The following KCNT2 variants were observed in gnomAD, a reference collection of about 807,000 sequenced individuals.
KCNT2 encodes potassium sodium-activated channel subfamily T member 2, also known as potassium channel subfamily T member 2.
Under a neutral mutation model 153.8 loss-of-function variants are expected in KCNT2, and 67 were observed. That is an observed-to-expected ratio of 0.44 (90% CI 0.36 to 0.53). The LOEUF (loss-of-function observed/expected upper bound fraction) is 0.53. KCNT2 is among the 20% of genes least tolerant of loss of function. The pLI is 0.00. For missense variants in KCNT2, 975 were observed against 1,354.8 expected (o/e 0.72, Z 4.40); for synonymous variants, 500 against 458.8 (o/e 1.09, Z -1.15).
intron 1 of KCNT2, among the ~76,000 whole-genome samples, chr1:196,560,613 T>G (rs545266671): frequency 6.6e-6 from 1 of 152,062 alleles, no homozygotes; most frequent in South Asian, 2.1e-4. Context: ...TATCTCACTC[T>G]CTGTGGGAAA....
intron 3 of KCNT2, among the ~76,000 whole-genome samples, chr1:196,487,460 G>C (rs1412503618): frequency 1.3e-5 from 2 of 149,132 alleles, no homozygotes; most frequent in Admixed American, 6.8e-5. Context: ...GTCTGTGTGT[G>C]TATGTTTGTG....
chr1:196,382,114 T>TATTTATTTATTTATTTATTTA (rs71154740), intron 13 of KCNT2, among the ~76,000 whole-genome samples: 2 of 151,746 alleles, frequency 1.3e-5, no homozygotes, highest in African/African-American at 2.4e-5. Context: ...TTTATTTATT[T>TATTTATTTATTTATTTATTTA]TTGAGATGGA....
intron 8 of KCNT2, among the ~76,000 whole-genome samples, chr1:196,460,181 T>C (rs1250771300): frequency 6.6e-6 from 1 of 151,828 alleles, no homozygotes; most frequent in East Asian, 1.9e-4. Flanking sequence ...GTGCGTGTAA[T>C]TTACAAAAAT....
chr1:196,413,524 T>A (rs1672506299), intron 12 of KCNT2, among the ~76,000 whole-genome samples: 1 of 151,716 alleles, frequency 6.6e-6, no homozygotes, highest in African/African-American at 2.4e-5. Flanking sequence ...TGCAGATAAC[T>A]AGCATTATGA....
chr1:196,487,398 C>T (rs1679510278), intron 3 of KCNT2, among the ~76,000 whole-genome samples: 1 of 89,408 alleles, frequency 1.1e-5, no homozygotes, highest in African/African-American at 3.0e-5. Flanking sequence ...ATAGTACCTA[C>T]CATGTTATGG....
chr1:196,543,457 C>G (rs1656651344), intron 1 of KCNT2, among the ~76,000 whole-genome samples: 1 of 152,008 alleles, frequency 6.6e-6, no homozygotes, highest in African/African-American at 2.4e-5. Flanking sequence ...TTACTTCCAT[C>G]TTATTACTCT....
At position 196,602,679 on chromosome 1, in the gene KCNT2, T is replaced by C. The variant is rs143101460; in HGVS notation, c.95+5536A>G. On this transcript the variant is annotated intron_variant, in intron 1 of 27. Transcript: ENST00000294725. ...GTGTTTTATATAAAATATTGATGTC[T>C]GAATTCTTAGTAGTGATTGAAAAAC... is the stretch of plus-strand genomic sequence containing the variant. Among the ~76,000 whole-genome samples the C allele has an allele frequency of 5.4e-3, 819 of 152,220 alleles. 6 individuals carry two copies. The highest frequency in any genetic ancestry group is 0.019 in the African/African-American group (772 of 41,530).
intron 24 of KCNT2, 68 bp downstream of exon 24, chr1:196,282,205 G>T: frequency 1.2e-6 from 1 of 809,580 alleles, no homozygotes; most frequent in Non-Finnish European, 2.1e-6. Flanking sequence ...AATTAGCAAA[G>T]TACACGGTAG....
chr1:196,415,765 T>C (rs1672703428), intron 12 of KCNT2, among the ~76,000 whole-genome samples: 2 of 151,940 alleles, frequency 1.3e-5, no homozygotes, highest in East Asian at 3.9e-4. Context: ...TGAGTTTTTC[T>C]TCCTTACCCT....
chr1:196,236,904 T>C (rs1056924569), intron 26 of KCNT2, among the ~76,000 whole-genome samples: 8 of 151,558 alleles, frequency 5.3e-5, no homozygotes, highest in Admixed American at 3.3e-4. Context: ...ATGTATATAC[T>C]TCAGTAAACA....
At chr1:196,317,064 A>C (rs1662798425) in intron 20 of KCNT2, 1 of 200,262 alleles carries the variant, frequency 5.0e-6, no homozygotes, top group African/African-American at 2.4e-5. Flanking sequence ...ATCTTTTCCA[A>C]GTGCATGATT....
At chr1:196,290,902 C>T (rs1660130820) in intron 22 of KCNT2, among the ~76,000 whole-genome samples, 1 of 151,984 alleles carries the variant, frequency 6.6e-6, no homozygotes, top group African/African-American at 2.4e-5. Context: ...GACGATGCCA[C>T]CTCCCCCATG....
intron 1 of KCNT2, among the ~76,000 whole-genome samples, chr1:196,597,104 C>T (rs1354797420): frequency 2.6e-5 from 4 of 152,042 alleles, no homozygotes; most frequent in Non-Finnish European, 5.9e-5. Context: ...AGAGAGTAAA[C>T]ATAATTCAGG....
At chr1:196,401,561 T>C (rs962436469) in intron 12 of KCNT2, among the ~76,000 whole-genome samples, 6 of 151,734 alleles carry the variant, frequency 4.0e-5, no homozygotes, top group Admixed American at 6.6e-5. Context: ...ATTCACTATA[T>C]GGGCTTTGAA....
chr1:196,437,533 A>T lies in KCNT2; in HGVS notation c.639-7776T>A, dbSNP rs534231172. Among the ~76,000 whole-genome samples, 25 of 149,308 alleles carry T rather than the reference A, an allele frequency of 1.7e-4. No homozygotes were observed. In the East Asian group the frequency reaches 4.6e-3, roughly 27 times the overall value. On this transcript the variant is annotated intron_variant, in intron 8 of 27. Coordinates refer to ENST00000294725, the MANE Select transcript of KCNT2 (RefSeq NM_198503.5). ...AAATTTTTTTGCTATCTAAAATATA[A>T]AAAAGAAATCAATGTCACACCATGT...
intron 1 of KCNT2, among the ~76,000 whole-genome samples, chr1:196,523,065 C>G (rs1177725943): frequency 6.6e-6 from 1 of 152,248 alleles, no homozygotes. Flanking sequence ...TCCACACTAC[C>G]TTTTTGAGCT....
chr1:196,256,960 T>C lies in KCNT2; in HGVS notation c.3211+1234A>G, dbSNP rs1656570271. On this transcript the variant is annotated intron_variant, in intron 26 of 27. Coordinates refer to ENST00000294725, the MANE Select transcript of KCNT2 (RefSeq NM_198503.5). ...CTTACTTTTTCTTTTAATTTGCTTCTTAATGTAAGACATTAAATGTGATTA... is the reference window on the plus strand; with the variant it reads ...CTTACTTTTTCTTTTAATTTGCTTCCTAATGTAAGACATTAAATGTGATTA... 5.3e-5 allele frequency among the ~76,000 whole-genome samples: 8 copies of C among 152,116 alleles called. No individual in the cohort carries two copies. In the South Asian group the frequency reaches 1.7e-3, roughly 31 times the overall value.
chr1:196,346,824 G>C (rs2148189087), intron 14 of KCNT2, among the ~76,000 whole-genome samples: 1 of 152,256 alleles, frequency 6.6e-6, no homozygotes, highest in East Asian at 1.9e-4. Context: ...AATTGCAGCA[G>C]AATGTAGCAG....
intron 8 of KCNT2, among the ~76,000 whole-genome samples, chr1:196,449,646 G>A (rs1046513904): frequency 6.6e-6 from 1 of 151,372 alleles, no homozygotes; most frequent in Non-Finnish European, 1.5e-5. Context: ...CAAGAAAAAG[G>A]TTATTTCATC....
Sources: gnomAD v4.1 joint callset for allele counts (sites outside exome capture counted in the v4.1 genomes callset) on GRCh38, gnomAD v4.1.1 for gene constraint, MANE v1.5 for transcripts, NCBI Gene and HGNC (gene_info 2026-07-23, HGNC 2026-07-21) for gene names.